MAP3K13: variants seen among roughly 807,000 people sequenced by gnomAD.
MAP3K13 encodes the protein leucine zipper-bearing kinase.
Under a neutral mutation model 104.0 loss-of-function variants are expected in MAP3K13, and 52 were observed. The ratio of observed to expected loss-of-function variants is 0.50; its 90% CI spans 0.40 to 0.63. MAP3K13 has a LOEUF of 0.63. Ranked by LOEUF, MAP3K13 falls within the 20% of genes least tolerant of loss-of-function variation. The pLI is 0.00. For missense variants in MAP3K13, 914 were observed against 1,218.5 expected (o/e 0.75, Z 3.72); for synonymous variants, 394 against 442.2 (o/e 0.89, Z 1.37).
In MAP3K13 at chr3:185,473,021, C is replaced by A; in HGVS notation, c.1690C>A (p.Pro564Thr). 6.2e-7 allele frequency: 1 copy of A among 1,614,184 alleles called. No homozygotes were observed. Among genetic ancestry groups the A allele is most frequent in the East Asian group, 2.2e-5 (1 of 44,880 alleles). The change falls in exon 11 of 14, where the codon CCC (proline) becomes ACC (threonine). Residue 564 changes from proline to threonine, a missense_variant. Pro to Thr is a conservative substitution (Grantham distance 38). Coordinates refer to ENST00000265026, the MANE Select transcript of MAP3K13 (RefSeq NM_004721.5). The surrounding 1 kb of genome is among the most constrained non-coding windows in gnomAD (Gnocchi z 4.9). Reference sequence around the variant, plus strand: ...AGGGATCCCCACCACAGAAGTGGCTCCCACTGCATCCCCTTTGTCCGGAAG... The same window carrying A: ...AGGGATCCCCACCACAGAAGTGGCTACCACTGCATCCCCTTTGTCCGGAAG... ...SEGIPTTEVA[P>T]TASPLSGSPK...
At chr3:185,448,734 C>G (rs1715724023) in intron 5 of MAP3K13, among the ~76,000 whole-genome samples, 1 of 152,160 alleles carries the variant, frequency 6.6e-6, no homozygotes, top group Admixed American at 6.5e-5. Flanking sequence ...GTCTCACCAA[C>G]AAAATGTGCT....
Position 185,385,648 on chromosome 3 carries a change from G to A in MAP3K13, c.-86+22280G>A, listed in dbSNP as rs1268364146. Reference sequence around the variant, plus strand: ...AAAACTACAAGCCAGTATCTCTGATGAACATAGATGCAAAAATCCCCAACA... The same window carrying A: ...AAAACTACAAGCCAGTATCTCTGATAAACATAGATGCAAAAATCCCCAACA... On this transcript the variant is annotated intron_variant, in intron 1 of 13. Transcript: ENST00000265026. Among the ~76,000 whole-genome samples, 3 of 152,188 alleles carry A rather than the reference G, an allele frequency of 2.0e-5. No homozygotes were observed. In the East Asian group the frequency reaches 5.8e-4, roughly 29 times the overall value.
rs1262728355 is a variant in MAP3K13 at position 185,457,604 on chromosome 3, A to G, written c.1279-5946A>G. 2.6e-5 allele frequency among the ~76,000 whole-genome samples: 4 copies of G among 152,138 alleles called. No homozygotes were observed. The East Asian group carries it at 7.7e-4, about 29-fold the overall frequency. On this transcript the variant is annotated intron_variant, in intron 7 of 13. Transcript: ENST00000265026. Reference sequence around the variant, plus strand: ...CTTCCCCAAAGCCCCACCTCCTAATACTGTCCCTTTGCAGTTAAGATTTCA... The same window carrying G: ...CTTCCCCAAAGCCCCACCTCCTAATGCTGTCCCTTTGCAGTTAAGATTTCA...
intron 2 of MAP3K13, among the ~76,000 whole-genome samples, chr3:185,320,985 G>T (rs1436148435): frequency 6.6e-6 from 1 of 152,114 alleles, no homozygotes. Context: ...GTGCATGTGT[G>T]TGTGCGTGCA....
intron 3 of MAP3K13, among the ~76,000 whole-genome samples, chr3:185,438,137 T>C (rs190301053): frequency 6.6e-6 from 1 of 151,566 alleles, no homozygotes; most frequent in African/African-American, 2.4e-5. Flanking sequence ...TAAAAAAAAA[T>C]TTTTTTTAAT....
At chr3:185,354,117 G>A (rs1354686892) in intron 2 of MAP3K13, among the ~76,000 whole-genome samples, 4 of 152,024 alleles carry the variant, frequency 2.6e-5, no homozygotes, top group Non-Finnish European at 4.4e-5. Flanking sequence ...TAGGAAGAGC[G>A]GCTCTTGGCC....
chr3:185,433,369 C>T (rs1051540776), intron 2 of MAP3K13, among the ~76,000 whole-genome samples: 2 of 152,104 alleles, frequency 1.3e-5, no homozygotes, highest in African/African-American at 4.8e-5. Flanking sequence ...ATAGAAGCAA[C>T]GAAAAGTTTG....
At chr3:185,334,763 C>A (rs1283249958) in intron 2 of MAP3K13, among the ~76,000 whole-genome samples, 1 of 152,048 alleles carries the variant, frequency 6.6e-6, no homozygotes, top group Non-Finnish European at 1.5e-5. Flanking sequence ...TGAGTGCCAC[C>A]ACACGTGGCT....
intron 2 of MAP3K13, among the ~76,000 whole-genome samples, chr3:185,304,722 C>T (rs1236728418): frequency 6.6e-6 from 1 of 152,112 alleles, no homozygotes; most frequent in African/African-American, 2.4e-5. Flanking sequence ...CAACCTCTGC[C>T]TCCCGGGTTC....
At chr3:185,469,324 G>C (rs935894173) in intron 10 of MAP3K13, among the ~76,000 whole-genome samples, 1 of 152,224 alleles carries the variant, frequency 6.6e-6, no homozygotes, top group East Asian at 1.9e-4. Flanking sequence ...TGAGAGGCTT[G>C]AAATGGGGAA....
chr3:185,374,365 TA>T (rs1201636107), intron 1 of MAP3K13, among the ~76,000 whole-genome samples: 1 of 152,042 alleles, frequency 6.6e-6, no homozygotes, highest in Non-Finnish European at 1.5e-5. Context: ...CGAGCGGGAT[TA>T]GGGGCGGCGT....
intron 2 of MAP3K13, among the ~76,000 whole-genome samples, chr3:185,293,851 G>T (rs1720829869): frequency 6.6e-6 from 1 of 152,050 alleles, no homozygotes; most frequent in African/African-American, 2.4e-5. Context: ...ATATCAATTT[G>T]ACTTATGGTG....
chr3:185,446,489 AAAGTTCTGAAC>A, intron 4 of MAP3K13, among the ~76,000 whole-genome samples: 1 of 152,316 alleles, frequency 6.6e-6, no homozygotes, highest in East Asian at 1.9e-4. Flanking sequence ...TTAATTTTCT[AAAGTTCTGAAC>A]AGGTTATTGC....
Position 185,315,774 on chromosome 3 carries a change from G to A in MAP3K13, c.-86+30131G>A, listed in dbSNP as rs1270366383. On this transcript the variant is annotated intron_variant, in intron 2 of 14. Coordinates refer to the MAP3K13 transcript ENST00000424227. This position sits in a 1 kb window ranked among gnomAD's most constrained non-coding sequence, Gnocchi z 4.3. ...TCTTTTAACTAGAAATATCTCACAG[G>A]GTTGTGAGGATTAAATTATCAAGTG... Among the ~76,000 whole-genome samples the A allele has an allele frequency of 1.3e-5, 2 of 152,022 alleles. No individual in the cohort carries two copies. The highest frequency in any genetic ancestry group is 2.1e-4 in the South Asian group (1 of 4,828).
chr3:185,458,150 T>C (rs1560122846), intron 7 of MAP3K13, among the ~76,000 whole-genome samples: 1 of 151,976 alleles, frequency 6.6e-6, no homozygotes, highest in Non-Finnish European at 1.5e-5. Context: ...GGGTGGATCA[T>C]TTGAGGTCAG....
intron 1 of MAP3K13, among the ~76,000 whole-genome samples, chr3:185,368,822 G>C (rs973344345): frequency 1.3e-5 from 2 of 152,054 alleles, no homozygotes; most frequent in African/African-American, 4.8e-5. Context: ...AGCCAGGCAT[G>C]GTGGTGCATG....
intron 1 of MAP3K13, among the ~76,000 whole-genome samples, chr3:185,378,780 T>C (rs13086590): frequency 0.25 from 38,500 of 151,738 alleles, 4,968 homozygotes; most frequent in Admixed American, 0.3. Context: ...AATGCCTGGA[T>C]GTCAGGCACC....
chr3:185,368,351 A>G (rs1723989863), intron 1 of MAP3K13, among the ~76,000 whole-genome samples: 1 of 152,100 alleles, frequency 6.6e-6, no homozygotes, highest in Non-Finnish European at 1.5e-5. Flanking sequence ...TTTACTATGG[A>G]TTGTGAACAT....
Position 185,423,855 on chromosome 3 carries a change from G to A in MAP3K13, c.-85-4642G>A, listed in dbSNP as rs966603793. 5.3e-5 allele frequency among the ~76,000 whole-genome samples: 8 copies of A among 152,108 alleles called. No individual in the cohort carries two copies. Among genetic ancestry groups the A allele is most frequent in the African/African-American group, 1.4e-4 (6 of 41,428 alleles). On this transcript the variant is annotated intron_variant, in intron 1 of 13. Transcript: ENST00000265026. The surrounding 1 kb of genome is among the most constrained non-coding windows in gnomAD (Gnocchi z 4.1). ...CTGGGTCAGCAGCCCCATCACGCAC[G>A]CTCTGGTCATTCCCGCTTCCCTGCC...
Sources: gnomAD v4.1 joint callset for allele counts (sites outside exome capture counted in the v4.1 genomes callset) on GRCh38, gnomAD v4.1.1 for gene constraint, Gnocchi (gnomAD v3.1) non-coding constraint, MANE v1.5 for transcripts, NCBI Gene and HGNC (gene_info 2026-07-23, HGNC 2026-07-21) for gene names.